The following PTPRK variants were observed in gnomAD, a reference collection of about 807,000 sequenced individuals.
The protein encoded by PTPRK is receptor-type tyrosine-protein phosphatase kappa.
In PTPRK, 75 loss-of-function variants were observed where a neutral mutation model predicts 178.0. That is an observed-to-expected ratio of 0.42 (90% confidence interval 0.35 to 0.51). The LOEUF (loss-of-function observed/expected upper bound fraction) is 0.51, where lower values mean the gene tolerates loss of function less well. Ranked by LOEUF, PTPRK falls within the 20% of genes least tolerant of loss-of-function variation. PTPRK has a pLI of 0.02. For missense variants in PTPRK, 1,441 were observed against 1,797.8 expected, an observed-to-expected ratio of 0.80 and a Z score of 3.59; for synonymous variants, 637 against 620.6, an observed-to-expected ratio of 1.03 and a Z score of -0.39.
At chr6:128,141,324 AATAAT>A (rs901531741) in intron 7 of PTPRK, among the ~76,000 whole-genome samples, 10 of 151,868 alleles carry the variant, frequency 6.6e-5, no homozygotes, top group African/African-American at 2.2e-4. Flanking sequence ...ATTGACAAAT[AATAAT>A]ATATTTTAAC....
chr6:128,462,233 A>G (rs1042517648), intron 1 of PTPRK, among the ~76,000 whole-genome samples: 53 of 152,192 alleles, frequency 3.5e-4, no homozygotes, highest in Admixed American at 3.3e-3. Flanking sequence ...AAAATCAATA[A>G]AAGACTCTAG....
intron 8 of PTPRK, 23 bp from the exon 9 acceptor site, chr6:128,083,847 G>A (rs199639799): frequency 7.2e-7 from 1 of 1,398,204 alleles, no homozygotes; most frequent in East Asian, 2.5e-5. Context: ...TGAATTTTTT[G>A]TTATGAAAAT....
At chr6:128,270,633 T>C (rs1819657616) in intron 3 of PTPRK, among the ~76,000 whole-genome samples, 1 of 152,162 alleles carries the variant, frequency 6.6e-6, no homozygotes, top group African/African-American at 2.4e-5. Flanking sequence ...ATACAGATAC[T>C]AGCAATGTCA....
chr6:128,306,496 C>T (rs1826395169), intron 3 of PTPRK, among the ~76,000 whole-genome samples: 1 of 152,134 alleles, frequency 6.6e-6, no homozygotes, highest in Non-Finnish European at 1.5e-5. Flanking sequence ...AATAATGTTA[C>T]TTTCATTCGA....
rs555132657 is a variant in PTPRK, at chr6:128,117,252, C to T, written c.1163-27260G>A. Among the ~76,000 whole-genome samples, 8 of 152,238 alleles carry T rather than the reference C, an allele frequency of 5.3e-5. No homozygotes were observed. The East Asian group carries it at 7.7e-4, about 15-fold the overall frequency. Reference sequence around the variant, plus strand: ...TCAATTCCAGATTTATGGATTACAGCGTTCAATACCCCCTAAAGCTCCTCT... The same window carrying T: ...TCAATTCCAGATTTATGGATTACAGTGTTCAATACCCCCTAAAGCTCCTCT... On this transcript the variant is annotated intron_variant, in intron 7 of 29. Coordinates refer to ENST00000368226, the MANE Select transcript of PTPRK (RefSeq NM_002844.4).
At chr6:128,390,787 A>G (rs1358744061) in intron 2 of PTPRK, among the ~76,000 whole-genome samples, 1 of 152,168 alleles carries the variant, frequency 6.6e-6, no homozygotes, top group Non-Finnish European at 1.5e-5. Flanking sequence ...CACCAATTTT[A>G]TAAGGCTCTT....
intron 2 of PTPRK, among the ~76,000 whole-genome samples, chr6:128,370,005 T>C (rs1390384081): frequency 6.6e-6 from 1 of 152,144 alleles, no homozygotes; most frequent in Non-Finnish European, 1.5e-5. Context: ...TTTTACCATG[T>C]AGAAGATTAA....
At chr6:128,305,270 T>C (rs894038948) in intron 3 of PTPRK, among the ~76,000 whole-genome samples, 1 of 152,226 alleles carries the variant, frequency 6.6e-6, no homozygotes, top group Non-Finnish European at 1.5e-5. Context: ...TCTCCTTCTT[T>C]TATTTTTCTT....
At chr6:128,365,702 T>C (rs780038722) in intron 2 of PTPRK, among the ~76,000 whole-genome samples, 17 of 152,154 alleles carry the variant, frequency 1.1e-4, no homozygotes, top group Non-Finnish European at 2.1e-4. Context: ...GTCTTTGTAC[T>C]TTTAGAACAC....
At position 127,998,855 on chromosome 6, in the gene PTPRK, A is replaced by T. The variant is rs1440642264; in HGVS notation, c.2544T>A (p.Pro848=). The change falls in exon 16 of 30, where the codon CCT becomes CCA. Residue 848 remains proline, a synonymous_variant. Coordinates refer to ENST00000368226, the MANE Select transcript of PTPRK (RefSeq NM_002844.4). ...TAESSRLLDV[P]RYLCEGTESP... is the part of the protein sequence containing the mutation. ...ATTCCGTCCCCTCACAGAGGTAGCG[A>T]GGTACGTCTAGAAGGCGACTGGACT... 4.4e-6 allele frequency: 7 copies of T among 1,602,762 alleles called. No individual in the cohort carries two copies. The Admixed American group carries it at 1.2e-4, about 27-fold the overall frequency.
intron 13 of PTPRK, among the ~76,000 whole-genome samples, chr6:128,046,299 G>T (rs531697121): frequency 1.3e-5 from 2 of 152,282 alleles, no homozygotes; most frequent in South Asian, 4.1e-4. Context: ...CAGGCAGGAA[G>T]AATGATACAC....
chr6:128,140,231 A>G (rs1795579464), intron 7 of PTPRK, among the ~76,000 whole-genome samples: 1 of 152,114 alleles, frequency 6.6e-6, no homozygotes, highest in African/African-American at 2.4e-5. Context: ...AGCATAAGGC[A>G]TTACTTACAG....
intron 8 of PTPRK, among the ~76,000 whole-genome samples, chr6:128,088,490 A>G (rs1278100640): frequency 6.6e-6 from 1 of 152,142 alleles, no homozygotes; most frequent in African/African-American, 2.4e-5. Flanking sequence ...CCTTCATTGA[A>G]AGATAAGAAC....
chr6:128,313,507 C>T (rs1374027265), intron 3 of PTPRK, among the ~76,000 whole-genome samples: 1 of 151,978 alleles, frequency 6.6e-6, no homozygotes, highest in Non-Finnish European at 1.5e-5. Flanking sequence ...CAGAAGTGGA[C>T]ATAAAGTTGG....
intron 3 of PTPRK, among the ~76,000 whole-genome samples, chr6:128,260,362 C>T (rs1272707349): frequency 6.6e-6 from 1 of 152,046 alleles, no homozygotes; most frequent in South Asian, 2.1e-4. Flanking sequence ...GAGACCACTG[C>T]AGTTGTTGAA....
chr6:128,380,816 G>T (rs1052511800), intron 2 of PTPRK, among the ~76,000 whole-genome samples: 1 of 152,100 alleles, frequency 6.6e-6, no homozygotes, highest in Non-Finnish European at 1.5e-5. Flanking sequence ...ACAAGAATTC[G>T]TAGCTAACAA....
At chr6:128,288,469 G>A (rs927362462) in intron 3 of PTPRK, among the ~76,000 whole-genome samples, 3 of 152,036 alleles carry the variant, frequency 2.0e-5, no homozygotes, top group South Asian at 2.1e-4. Context: ...CAATTTGTGT[G>A]CTGAAGAATC....
chr6:128,488,294 G>A (rs1047876305), intron 1 of PTPRK, among the ~76,000 whole-genome samples: 3 of 152,172 alleles, frequency 2.0e-5, no homozygotes, highest in South Asian at 2.1e-4. Flanking sequence ...TTCTAGCTGC[G>A]CTGGCAGCTG....
rs183219920 is a variant in PTPRK at position 128,074,722 on chromosome 6, G to A, written c.1883+4091C>T. ...GAACCACACTTGCCAGCACTGCATC[G>A]CACATGTTCTACATTAGCATAGGGA... On this transcript the variant is annotated intron_variant, in intron 11 of 29. Coordinates refer to ENST00000368226, the MANE Select transcript of PTPRK (RefSeq NM_002844.4). 1.5e-3 allele frequency among the ~76,000 whole-genome samples: 222 copies of A among 152,052 alleles called. 1 individual carries two copies. The highest frequency in any genetic ancestry group is 4.6e-3 in the South Asian group (22 of 4,814).
Sources: allele counts gnomAD v4.1 joint callset (sites outside exome capture counted in the v4.1 genomes callset), GRCh38; gene constraint gnomAD v4.1.1; transcripts MANE v1.5; gene names NCBI Gene and HGNC (gene_info 2026-07-23, HGNC 2026-07-21).